Variants in GLB1 observed in about 807,000 individuals in gnomAD.
GLB1 encodes the protein galactosidase beta 1.
A neutral mutation model predicts 74.0 loss-of-function variants in GLB1; 56 were observed. The ratio of observed to expected loss-of-function variants is 0.76; its 90% CI spans 0.61 to 0.94. The LOEUF (loss-of-function observed/expected upper bound fraction) is 0.94, where lower values mean the gene tolerates loss of function less well. GLB1 is among the 40% of genes least tolerant of loss of function. The pLI, the probability that GLB1 is intolerant of heterozygous loss-of-function variation, is 0.00. For missense variants in GLB1, 787 were observed against 845.5 expected (o/e 0.93, Z 0.86); for synonymous variants, 323 against 323.6 (o/e 1.00, Z 0.02).
intron 12 of GLB1, 78 bp downstream of exon 12, chr3:33,021,488 A>T: frequency 6.7e-7 from 1 of 1,483,756 alleles, no homozygotes; most frequent in South Asian, 1.2e-5. Flanking sequence ...CTGAATTCAG[A>T]ATGGGCACTG....
downstream of GLB1, among the ~76,000 whole-genome samples, chr3:32,991,979 T>C (rs970093179): frequency 2.6e-5 from 4 of 152,210 alleles, no homozygotes; most frequent in African/African-American, 4.8e-5. Flanking sequence ...TTGCAACCCA[T>C]GATGATGAGA....
chr3:33,082,482 T>C (rs1700358443), intron 1 of GLB1, among the ~76,000 whole-genome samples: 1 of 152,170 alleles, frequency 6.6e-6, no homozygotes, highest in South Asian at 2.1e-4. Flanking sequence ...TTAAAGATCA[T>C]TTCCATCATG....
intron 10 of GLB1, among the ~76,000 whole-genome samples, chr3:33,032,247 T>A (rs1698080483): frequency 6.6e-6 from 1 of 152,194 alleles, no homozygotes; most frequent in African/African-American, 2.4e-5. Flanking sequence ...GACTTCGGCT[T>A]CCATTTGCAC....
chr3:33,069,158 G>A (rs758958329), intron 2 of GLB1, among the ~76,000 whole-genome samples, 188 bp from the exon 3 acceptor site: 7 of 152,136 alleles, frequency 4.6e-5, no homozygotes, highest in Admixed American at 6.5e-5. Flanking sequence ...GGGAAGTCAC[G>A]GTGGGTGGAT....
chr3:33,025,202 C>T (rs987869995), intron 10 of GLB1, among the ~76,000 whole-genome samples: 2 of 152,238 alleles, frequency 1.3e-5, no homozygotes, highest in Admixed American at 1.3e-4. Flanking sequence ...GCCTCAGCCT[C>T]CCAAAGTGCT....
intron 10 of GLB1, among the ~76,000 whole-genome samples, chr3:33,032,251 T>C (rs927623683): frequency 3.3e-5 from 5 of 152,200 alleles, no homozygotes; most frequent in Non-Finnish European, 5.9e-5. Context: ...TCGGCTTCCA[T>C]TTGCACTGAT....
intron 10 of GLB1, among the ~76,000 whole-genome samples, chr3:33,042,168 T>C (rs1386963130): frequency 6.6e-6 from 1 of 152,144 alleles, no homozygotes; most frequent in East Asian, 1.9e-4. Context: ...CTGGTCTTCC[T>C]ACTCTACCCT....
At chr3:33,050,186 C>CA (rs1020719427) in intron 9 of GLB1, among the ~76,000 whole-genome samples, 2 of 152,216 alleles carry the variant, frequency 1.3e-5, no homozygotes, top group Admixed American at 6.5e-5. Flanking sequence ...TTTTCCTACA[C>CA]AAAAAAATAC....
At chr3:32,970,833 T>C in the GLB1 span, among the ~76,000 whole-genome samples, 2 of 152,144 alleles carry the variant, frequency 1.3e-5, no homozygotes, top group Non-Finnish European at 2.9e-5. Flanking sequence ...GCTCTTACCC[T>C]AAGCTCTTAC....
At chr3:33,048,743 G>A (rs940057473) in intron 9 of GLB1, among the ~76,000 whole-genome samples, 1 of 152,168 alleles carries the variant, frequency 6.6e-6, no homozygotes, top group Non-Finnish European at 1.5e-5. Flanking sequence ...TGGCTCAGGG[G>A]CTCCAGGGTG....
intron 5 of GLB1, among the ~76,000 whole-genome samples, chr3:33,059,475 A>G (rs531596885): frequency 6.6e-6 from 1 of 152,360 alleles, no homozygotes; most frequent in East Asian, 1.9e-4. Context: ...CCAAAGAATC[A>G]GGAATATAAT....
intron 10 of GLB1, among the ~76,000 whole-genome samples, chr3:33,038,280 T>C (rs553863653): frequency 1.3e-5 from 2 of 152,304 alleles, no homozygotes; most frequent in South Asian, 4.1e-4. Context: ...GTTTGTATAA[T>C]GATTAAGTGG....
intron 3 of GLB1, 76 bp from the exon 4 acceptor site, chr3:33,068,366 T>C (rs1366937592): frequency 3.8e-6 from 6 of 1,584,516 alleles, no homozygotes; most frequent in Non-Finnish European, 5.2e-6. Context: ...TTACTATTAG[T>C]AGTTATGGAA....
At chr3:33,031,770 G>A (rs1429346436) in intron 10 of GLB1, among the ~76,000 whole-genome samples, 1 of 147,436 alleles carries the variant, frequency 6.8e-6, no homozygotes, top group Non-Finnish European at 1.5e-5. Context: ...TCTATCATAA[G>A]CTATTGAATT....
chr3:33,075,087 G>C (rs906314398), intron 1 of GLB1, among the ~76,000 whole-genome samples: 1 of 152,168 alleles, frequency 6.6e-6, no homozygotes, highest in African/African-American at 2.4e-5. Flanking sequence ...CAAAGGAAAA[G>C]TCCCCTAAAC....
At chr3:33,074,381 G>GAAAGAAAGAAAGA (rs1559412918) in intron 1 of GLB1, among the ~76,000 whole-genome samples, 101 of 9,498 alleles carry the variant, frequency 0.011, 13 homozygotes, top group Middle Eastern at 0.071. Flanking sequence ...AGGAAGGAAG[G>GAAAGAAAGAAAGA]AAGGAAGGAA....
chr3:33,046,575 G>A (rs1226519285), intron 9 of GLB1, among the ~76,000 whole-genome samples: 1 of 152,068 alleles, frequency 6.6e-6, no homozygotes, highest in Non-Finnish European at 1.5e-5. Context: ...AGCAGTAATG[G>A]CAGGGCTTAT....
chr3:33,019,873 T>C (rs922486920), intron 12 of GLB1, among the ~76,000 whole-genome samples: 5 of 152,102 alleles, frequency 3.3e-5, no homozygotes, highest in African/African-American at 1.2e-4. Flanking sequence ...CTGTGCCCTT[T>C]GGGGTTTTTT....
chr3:32,982,221 G>A, the GLB1 span, among the ~76,000 whole-genome samples: 1 of 150,876 alleles, frequency 6.6e-6, no homozygotes, highest in Non-Finnish European at 1.5e-5. Flanking sequence ...GCTGAGGCAG[G>A]AGAATCTCTT....
Sources: gnomAD v4.1 joint callset for allele counts (sites outside exome capture counted in the v4.1 genomes callset) on GRCh38, gnomAD v4.1.1 for gene constraint, MANE v1.5 for transcripts, NCBI Gene and HGNC (gene_info 2026-07-23, HGNC 2026-07-21) for gene names.